BAZ1B: variants seen among roughly 807,000 people sequenced by gnomAD.
BAZ1B encodes bromodomain adjacent to zinc finger domain 1B, also known as tyrosine-protein kinase BAZ1B.
BAZ1B carries 22 observed loss-of-function variants against 153.8 expected under a neutral mutation model. The observed-to-expected ratio is 0.14, with a 90% CI of 0.10 to 0.20. The LOEUF (loss-of-function observed/expected upper bound fraction) is 0.20, where lower values mean the gene tolerates loss of function less well. Ranked by LOEUF, BAZ1B falls within the 10% of genes least tolerant of loss-of-function variation. The pLI is 1.00. For synonymous variants in BAZ1B, 676 were observed against 633.4 expected (o/e 1.07, Z -1.01); for missense variants, 1,325 against 1,799.3 (o/e 0.74, Z 4.77).
intron 16 of BAZ1B, among the ~76,000 whole-genome samples, chr7:73,445,761 G>A (rs782374519): frequency 6.6e-6 from 1 of 152,116 alleles, no homozygotes; most frequent in East Asian, 1.9e-4. Flanking sequence ...TCAGGAGGCT[G>A]AGGTAAGGAG....
chr7:73,480,666 G>A (rs1789164769), intron 6 of BAZ1B, among the ~76,000 whole-genome samples: 2 of 152,100 alleles, frequency 1.3e-5, no homozygotes, highest in Admixed American at 6.6e-5. Flanking sequence ...TCAACAGAAG[G>A]GACTAACCAG....
rs186459658 is a variant in BAZ1B at position 73,445,507 on chromosome 7, C to T, written c.3845-1378G>A. Among the ~76,000 whole-genome samples, 3 of 152,236 alleles carry T rather than the reference C, an allele frequency of 2.0e-5. No homozygotes were observed. The East Asian group carries it at 5.8e-4, about 29-fold the overall frequency. ...AAGCAATTCCTTGGAAAGAGAGCTA[C>T]AACGTAGAAGTGGAAAGCAATCACT... On this transcript the variant is annotated intron_variant, in intron 16 of 19. Transcript: ENST00000339594.
chr7:73,442,848 A>C lies in BAZ1B; in HGVS notation c.3991-20T>G, dbSNP rs781912972. 1.9e-6 allele frequency: 3 copies of C among 1,583,974 alleles called. No homozygotes were observed. The highest frequency in any genetic ancestry group is 2.2e-5 in the East Asian group (1 of 44,638). On this transcript the variant is annotated intron_variant, in intron 17 of 19. Coordinates refer to ENST00000339594, the MANE Select transcript of BAZ1B (RefSeq NM_032408.4). ...AAGCACCTGGCAGGAAAGAAAGAAC[A>C]ATGTTATTACAGATTCAAGACAGGA...
chr7:73,463,220 CTGG>C, intron 11 of BAZ1B, 121 bp from the exon 12 acceptor site: 1 of 920,552 alleles, frequency 1.1e-6, no homozygotes, highest in South Asian at 1.7e-5. Context: ...TCACCTCTCC[CTGG>C]TGTTTTTTCT....
rs921125540 is a variant in BAZ1B, at chr7:73,476,978, T to C, written c.2483A>G (p.Glu828Gly). The change falls in exon 7 of 20, where the codon GAG becomes GGG. Residue 828 changes from glutamate (E) to glycine (G), a missense_variant. By Grantham distance (98) the Glu-to-Gly change is moderately conservative. Around this residue, in one of 9 missense-constraint regions of BAZ1B, gnomAD observed 431 missense variants for 563.5 expected, o/e 0.76. Transcript: ENST00000339594. Reference protein sequence around the residue: ...TDRKKEIVKFEPQVDTEAEDM... With the variant: ...TDRKKEIVKFGPQVDTEAEDM... ...TTCAGCTTCTGTATCTACTTGGGGC[T>C]CAAACTTCACAATTTCTTTTTTCCT... is the stretch of plus-strand genomic sequence containing the variant. 16 of 1,614,106 alleles carry C rather than the reference T, an allele frequency of 9.9e-6. No individual in the cohort carries two copies. In the East Asian group the frequency reaches 3.6e-4, roughly 36 times the overall value.
chr7:73,453,843 G>A (rs1042683088), intron 13 of BAZ1B, among the ~76,000 whole-genome samples: 1 of 151,952 alleles, frequency 6.6e-6, no homozygotes, highest in Admixed American at 6.6e-5. Context: ...GCCGGGTATG[G>A]TGGCACATGC....
chr7:73,456,840 G>C (rs1411896935), intron 13 of BAZ1B, among the ~76,000 whole-genome samples: 1 of 146,592 alleles, frequency 6.8e-6, no homozygotes, highest in Non-Finnish European at 1.5e-5. Context: ...CAGCTACTTG[G>C]GAAGCTGAGG....
chr7:73,448,525 C>CA (rs1448617812), intron 15 of BAZ1B, among the ~76,000 whole-genome samples: 1 of 152,210 alleles, frequency 6.6e-6, no homozygotes, highest in Non-Finnish European at 1.5e-5. Context: ...AAACCAGAGA[C>CA]AAGATCCATG....
chr7:73,500,277 G>C (rs562553995), intron 3 of BAZ1B, among the ~76,000 whole-genome samples: 1 of 152,074 alleles, frequency 6.6e-6, no homozygotes, highest in African/African-American at 2.4e-5. Flanking sequence ...GTGGCTCATG[G>C]CTGTAGTCCC....
At chr7:73,449,408 T>G in intron 15 of BAZ1B, 134 bp downstream of exon 15, 1 of 1,093,876 alleles carries the variant, frequency 9.1e-7, no homozygotes, top group South Asian at 1.9e-5. Flanking sequence ...TGAAGTACTG[T>G]AAATGATCAG....
chr7:73,460,404 GT>G (rs1428187502), intron 12 of BAZ1B, among the ~76,000 whole-genome samples: 1 of 151,860 alleles, frequency 6.6e-6, no homozygotes, highest in Admixed American at 6.6e-5. Context: ...CCATCTTAAT[GT>G]TTTTTTAATT....
Position 73,478,485 on chromosome 7 carries a change from A to G in BAZ1B, c.976T>C (p.Ser326Pro). The part of the protein sequence containing the change: ...KPSKKSKTDN[S>P]SLSSPLNPKL... Reference sequence around the variant, plus strand: ...GGATTTAGTGGTGAACTAAGAGAAGAGTTGTCTGTCTTGGATTTCTTTGAG... The same window carrying G: ...GGATTTAGTGGTGAACTAAGAGAAGGGTTGTCTGTCTTGGATTTCTTTGAG... Residue 326 changes from serine (S) to proline (P), a missense_variant, in exon 7 of 20, where the codon TCT becomes CCT. Transcript: ENST00000339594. 2.5e-6 allele frequency: 4 copies of G among 1,608,560 alleles called. No individual in the cohort carries two copies. The highest frequency in any genetic ancestry group is 3.4e-6 in the Non-Finnish European group (4 of 1,177,830).
intron 4 of BAZ1B, among the ~76,000 whole-genome samples, chr7:73,493,739 G>A (rs536558379): frequency 1.1e-4 from 17 of 151,532 alleles, no homozygotes; most frequent in East Asian, 2.0e-4. Flanking sequence ...CAACTTGGGC[G>A]GCTAGGGTAG....
intron 18 of BAZ1B, 29 bp downstream of exon 18, chr7:73,442,696 T>G (rs1563359728): frequency 4.4e-6 from 7 of 1,605,188 alleles, no homozygotes; most frequent in Non-Finnish European, 5.1e-6. Context: ...GCCACTCCTC[T>G]CCCCTGCACC....
intron 3 of BAZ1B, 63 bp from the exon 4 acceptor site, chr7:73,498,761 G>A: frequency 7.0e-6 from 10 of 1,425,424 alleles, no homozygotes; most frequent in African/African-American, 1.4e-5. Flanking sequence ...AAGATGTTTA[G>A]AACATATCAT....
At chr7:73,445,863 C>T (rs926900868) in intron 16 of BAZ1B, among the ~76,000 whole-genome samples, 11 of 152,030 alleles carry the variant, frequency 7.2e-5, no homozygotes, top group South Asian at 2.1e-4. Flanking sequence ...ACCCATCCCC[C>T]GCTCCGCCAA....
chr7:73,510,939 C>T, intron 1 of BAZ1B, 87 bp from the exon 2 acceptor site: 1 of 1,093,434 alleles, frequency 9.1e-7, no homozygotes, highest in Non-Finnish European at 1.4e-6. Context: ...AGAAAAAAAT[C>T]TAGTCTCCTT....
rs1164568190 is a variant in BAZ1B at position 73,458,717 on chromosome 7, T to C, written c.3432+819A>G. On this transcript the variant is annotated intron_variant, in intron 13 of 19. Transcript: ENST00000339594. ...TAAATTTGTATGTTATGCATATTTT[T>C]ACCAAAATTTAAAAAATATCTAGAG... 8.5e-5 allele frequency among the ~76,000 whole-genome samples: 13 copies of C among 152,070 alleles called. No individual in the cohort carries two copies. The East Asian group carries it at 2.5e-3, about 29-fold the overall frequency.
chr7:73,518,158 A>T (rs186689892), intron 1 of BAZ1B, among the ~76,000 whole-genome samples: 1 of 151,882 alleles, frequency 6.6e-6, no homozygotes, highest in Admixed American at 6.6e-5. Context: ...TCCCAGAACT[A>T]TGGGAGGCCG....
Sources: gnomAD v4.1 joint callset for allele counts (sites outside exome capture counted in the v4.1 genomes callset) on GRCh38, gnomAD v4.1.1 for gene constraint, gnomAD v4.1.1 regional missense constraint, MANE v1.5 for transcripts, NCBI Gene and HGNC (gene_info 2026-07-23, HGNC 2026-07-21) for gene names.